The following TAFA2 variants were observed in gnomAD, a reference collection of about 807,000 sequenced individuals.
TAFA2 encodes TAFA chemokine like family member 2, also known as chemokine-like protein TAFA-2.
TAFA2 carries 7 observed loss-of-function variants against 18.8 expected under a neutral mutation model. The observed-to-expected ratio is 0.37, with a 90% CI of 0.21 to 0.70. The LOEUF (loss-of-function observed/expected upper bound fraction) is 0.70. Among genes scored for constraint, TAFA2 ranks in the 30% least tolerant of loss-of-function variants. TAFA2 has a pLI of 0.53. For synonymous variants in TAFA2, 60 were observed against 54.2 expected, an observed-to-expected ratio of 1.11 and a Z score of -0.47; for missense variants, 122 against 158.1, an observed-to-expected ratio of 0.77 and a Z score of 1.23.
intron 1 of TAFA2, among the ~76,000 whole-genome samples, chr12:62,197,827 C>T (rs2062655051): frequency 6.6e-6 from 1 of 151,890 alleles, no homozygotes; most frequent in Non-Finnish European, 1.5e-5. Flanking sequence ...GTAGATATAC[C>T]ACAATTTCTT....
intron 1 of TAFA2, among the ~76,000 whole-genome samples, chr12:62,226,094 T>C (rs535408356): frequency 6.6e-5 from 10 of 152,200 alleles, no homozygotes; most frequent in Non-Finnish European, 1.2e-4. Flanking sequence ...AAGATGTTCA[T>C]AGTGGTGTGC....
intron 1 of TAFA2, among the ~76,000 whole-genome samples, chr12:62,010,346 CA>C (rs1379193498): frequency 9.2e-5 from 14 of 152,226 alleles, no homozygotes; most frequent in Admixed American, 6.5e-4. Context: ...TTGGAGGAGA[CA>C]GGGTTTTGCC....
chr12:61,873,855 G>A (rs965747803), intron 1 of TAFA2, among the ~76,000 whole-genome samples: 3 of 152,026 alleles, frequency 2.0e-5, no homozygotes, highest in Non-Finnish European at 4.4e-5. Context: ...TGGTGCCATC[G>A]GTATTCATAG....
intron 1 of TAFA2, among the ~76,000 whole-genome samples, chr12:62,179,235 G>T (rs1453870504): frequency 1.3e-5 from 2 of 152,144 alleles, no homozygotes; most frequent in Non-Finnish European, 2.9e-5. Context: ...GTGGTACAAG[G>T]TGAAGAATTA....
At chr12:61,921,625 T>C (rs1319747918) in intron 1 of TAFA2, among the ~76,000 whole-genome samples, 1 of 152,122 alleles carries the variant, frequency 6.6e-6, no homozygotes. Context: ...TTTGTACACA[T>C]CAGATTTGAG....
At chr12:62,210,471 AAAGTT>A (rs1489655691) in intron 1 of TAFA2, among the ~76,000 whole-genome samples, 3 of 152,210 alleles carry the variant, frequency 2.0e-5, no homozygotes, top group African/African-American at 7.2e-5. Context: ...TGTTGCTTGA[AAAGTT>A]AAGACAGAGC....
chr12:61,743,624 C>A (rs1012004106), intron 4 of TAFA2, among the ~76,000 whole-genome samples: 2 of 152,036 alleles, frequency 1.3e-5, no homozygotes, highest in Non-Finnish European at 2.9e-5. Context: ...ATTAGGTGCA[C>A]TTCACAAACA....
chr12:61,712,535 C>T (rs996887229), intron 4 of TAFA2, among the ~76,000 whole-genome samples: 5 of 151,900 alleles, frequency 3.3e-5, no homozygotes, highest in African/African-American at 1.2e-4. Context: ...GGATATAACC[C>T]ATATCCTCAA....
intron 4 of TAFA2, among the ~76,000 whole-genome samples, chr12:61,724,941 G>A (rs1565751182): frequency 6.9e-6 from 1 of 145,152 alleles, no homozygotes; most frequent in African/African-American, 2.6e-5. Context: ...CCCCAGCAGT[G>A]TAAGTGTTCT....
intron 1 of TAFA2, among the ~76,000 whole-genome samples, chr12:62,202,211 A>G (rs1248877292): frequency 4.6e-5 from 7 of 151,996 alleles, no homozygotes; most frequent in African/African-American, 1.7e-4. Context: ...TGATTTTTTA[A>G]GGGTTTTTCA....
chr12:61,914,033 G>A (rs781147735), intron 1 of TAFA2, among the ~76,000 whole-genome samples: 10 of 152,144 alleles, frequency 6.6e-5, no homozygotes, highest in Admixed American at 1.3e-4. Flanking sequence ...TTGCCATACC[G>A]ACACCACCCC....
intron 1 of TAFA2, among the ~76,000 whole-genome samples, chr12:61,901,176 A>G (rs1231067173): frequency 6.6e-6 from 1 of 152,158 alleles, no homozygotes. Flanking sequence ...ATCTTTTCCC[A>G]ATAGTGTTTT....
At chr12:62,081,437 G>A (rs1330225507) in intron 1 of TAFA2, among the ~76,000 whole-genome samples, 5 of 151,814 alleles carry the variant, frequency 3.3e-5, no homozygotes, top group Non-Finnish European at 7.4e-5. Flanking sequence ...CCAAGAAGCA[G>A]ATTCCAATTT....
At chr12:61,839,117 C>T (rs1234592229) in intron 2 of TAFA2, among the ~76,000 whole-genome samples, 8 of 152,032 alleles carry the variant, frequency 5.3e-5, no homozygotes, top group African/African-American at 1.9e-4. Flanking sequence ...CTAAAGCAGA[C>T]AATTTTTTGT....
At chr12:61,893,416 G>A (rs554977830) in intron 1 of TAFA2, among the ~76,000 whole-genome samples, 2 of 152,316 alleles carry the variant, frequency 1.3e-5, no homozygotes, top group African/African-American at 4.8e-5. Flanking sequence ...AACAAAAACT[G>A]GGTAGCAGCT....
rs539425794 is a variant in TAFA2 at position 62,175,969 on chromosome 12, T to C, written c.-2+15290A>G. Among the ~76,000 whole-genome samples the C allele has an allele frequency of 7.9e-5, 12 of 152,068 alleles. No homozygotes were observed. The South Asian group carries it at 2.1e-3, about 26-fold the overall frequency. ...TTCCCACCTTTTTCAGCAATATTTC[T>C]AAGACATTCAAAAGAAAATACAACA... On this transcript the variant is annotated intron_variant, in intron 1 of 4. Coordinates refer to ENST00000416284, the MANE Select transcript of TAFA2 (RefSeq NM_178539.5).
chr12:62,094,710 C>A (rs752933251), intron 1 of TAFA2, among the ~76,000 whole-genome samples: 10 of 151,692 alleles, frequency 6.6e-5, no homozygotes, highest in Admixed American at 1.3e-4. Flanking sequence ...TTATAAGAAA[C>A]TTGTAAGATA....
At chr12:62,144,087 T>C (rs1332575331) in intron 1 of TAFA2, among the ~76,000 whole-genome samples, 1 of 143,320 alleles carries the variant, frequency 7.0e-6, no homozygotes, top group African/African-American at 2.5e-5. Context: ...AAAACTCTCA[T>C]ACGATGACCA....
chr12:61,750,010 C>T (rs1047415742), intron 4 of TAFA2, among the ~76,000 whole-genome samples: 6 of 151,912 alleles, frequency 3.9e-5, no homozygotes, highest in African/African-American at 1.5e-4. Flanking sequence ...CACACACACA[C>T]ACACAGAATC....
Sources: gnomAD v4.1 joint callset for allele counts (sites outside exome capture counted in the v4.1 genomes callset) on GRCh38, gnomAD v4.1.1 for gene constraint, MANE v1.5 for transcripts, NCBI Gene and HGNC (gene_info 2026-07-23, HGNC 2026-07-21) for gene names.